The following CMIP variants were observed in gnomAD, a reference collection of about 807,000 sequenced individuals.
CMIP encodes the protein C-Maf-inducing protein.
A neutral mutation model predicts 97.3 loss-of-function variants in CMIP; 13 were observed. The observed-to-expected ratio is 0.13, with a 90% CI of 0.09 to 0.21. The LOEUF is 0.21. Ranked by LOEUF, CMIP falls within the 10% of genes least tolerant of loss-of-function variation. The probability of loss-of-function intolerance (pLI) is 1.00; values close to 1 mark genes in which losing one functional copy is unlikely to be tolerated. For missense variants in CMIP, 847 were observed against 1,024.9 expected (o/e 0.83, Z 2.37); for synonymous variants, 538 against 436.3 (o/e 1.23, Z -2.91).
chr16:81,468,943 T>G (rs1027154033), intron 1 of CMIP, among the ~76,000 whole-genome samples: 1 of 152,220 alleles, frequency 6.6e-6, no homozygotes, highest in African/African-American at 2.4e-5. Context: ...CATGCTGGCC[T>G]TGGGACTTTG....
Position 81,672,023 on chromosome 16 carries a change from C to A in CMIP, c.987C>A (p.Ala329=). ...CCCGGGTCCTGCCCAACCTGGTGGCCGTGTGCCTGGCTGCCATCTACTCCT... is the reference window on the plus strand; with the variant it reads ...CCCGGGTCCTGCCCAACCTGGTGGCAGTGTGCCTGGCTGCCATCTACTCCT... ...PHPRVLPNLV[A]VCLAAIYSCY... is the part of the protein sequence containing the mutation. Residue 329 remains alanine, a synonymous_variant, in exon 9 of 21, where the codon GCC becomes GCA. Coordinates refer to ENST00000537098, the MANE Select transcript of CMIP (RefSeq NM_198390.3). 3.1e-6 allele frequency: 5 copies of A among 1,606,388 alleles called. No homozygotes were observed. Among genetic ancestry groups the A allele is most frequent in the Non-Finnish European group, 4.3e-6 (5 of 1,176,190 alleles).
intron 13 of CMIP, chr16:81,696,071 T>A: frequency 6.3e-6 from 1 of 159,082 alleles, no homozygotes; most frequent in Non-Finnish European, 1.3e-5. Flanking sequence ...CAGGGAGAGG[T>A]TTCTAGAGAA....
chr16:81,649,278 G>T (rs1166579947), intron 3 of CMIP, among the ~76,000 whole-genome samples: 1 of 152,260 alleles, frequency 6.6e-6, no homozygotes, highest in Non-Finnish European at 1.5e-5. Flanking sequence ...AAGGGCTTGG[G>T]CCCTCCCGGG....
chr16:81,649,130 T>A (rs1307535707), intron 3 of CMIP, among the ~76,000 whole-genome samples: 1 of 152,188 alleles, frequency 6.6e-6, no homozygotes, highest in Non-Finnish European at 1.5e-5. Flanking sequence ...GAGGATTGAG[T>A]GGGATAAAGC....
chr16:81,497,800 G>A (rs146849964), intron 1 of CMIP, among the ~76,000 whole-genome samples: 488 of 152,334 alleles, frequency 3.2e-3, no homozygotes, highest in African/African-American at 0.01. Flanking sequence ...CAGGTGCCCC[G>A]CCGCCTCCTC....
intron 1 of CMIP, among the ~76,000 whole-genome samples, chr16:81,503,365 G>A (rs1291150468): frequency 3.3e-5 from 5 of 152,080 alleles, no homozygotes; most frequent in Non-Finnish European, 7.4e-5. Flanking sequence ...TCACTGGGTC[G>A]CCTGCCTAGT....
At chr16:81,645,646 G>C in intron 3 of CMIP, 1 of 1,530,918 alleles carries the variant, frequency 6.5e-7, no homozygotes, top group East Asian at 2.4e-5. Context: ...CAGCGCTGGA[G>C]TGGCTGACTC....
chr16:81,656,410 A>C (rs1022516354), intron 4 of CMIP, among the ~76,000 whole-genome samples: 3 of 152,266 alleles, frequency 2.0e-5, no homozygotes, highest in Non-Finnish European at 4.4e-5. Context: ...CTTTACAAGC[A>C]GCCAATGTGG....
chr16:81,449,274 GT>G (rs1456418820), intron 1 of CMIP, among the ~76,000 whole-genome samples: 1 of 152,216 alleles, frequency 6.6e-6, no homozygotes, highest in Non-Finnish European at 1.5e-5. Flanking sequence ...TAATTCATCA[GT>G]GGCTTGTTTT....
chr16:81,492,231 A>G (rs2089417311), intron 1 of CMIP, among the ~76,000 whole-genome samples: 1 of 152,190 alleles, frequency 6.6e-6, no homozygotes, highest in Non-Finnish European at 1.5e-5. Flanking sequence ...TGCCATCCAC[A>G]GGGTGCAAGC....
chr16:81,533,890 C>G (rs921145410), intron 1 of CMIP: 2 of 152,288 alleles, frequency 1.3e-5, no homozygotes, highest in African/African-American at 2.4e-5. Context: ...GGCAGTGAAC[C>G]TCTCCTGCCC....
At chr16:81,513,815 C>T (rs1466025269) in intron 1 of CMIP, among the ~76,000 whole-genome samples, 3 of 152,244 alleles carry the variant, frequency 2.0e-5, no homozygotes, top group Non-Finnish European at 4.4e-5. Context: ...TTCCAGCTCT[C>T]GGATCCTCTG....
intron 20 of CMIP, among the ~76,000 whole-genome samples, chr16:81,709,023 T>C (rs548798009): frequency 6.6e-6 from 1 of 152,104 alleles, no homozygotes; most frequent in African/African-American, 2.4e-5. Flanking sequence ...CTCTGTATAG[T>C]GGAGGCTTGT....
chr16:81,641,963 A>G (rs1222067829), intron 3 of CMIP, among the ~76,000 whole-genome samples: 1 of 152,096 alleles, frequency 6.6e-6, no homozygotes, highest in African/African-American at 2.4e-5. Flanking sequence ...GACTTACCTC[A>G]CTCAGCCTCG....
chr16:81,675,049 T>G (rs980049270), intron 9 of CMIP, among the ~76,000 whole-genome samples: 2 of 152,132 alleles, frequency 1.3e-5, no homozygotes, highest in Admixed American at 1.3e-4. Context: ...CTGGCATCTG[T>G]TTTTGGAAGG....
intron 1 of CMIP, among the ~76,000 whole-genome samples, chr16:81,565,135 A>G (rs1190935490): frequency 1.3e-5 from 2 of 152,150 alleles, no homozygotes; most frequent in Non-Finnish European, 2.9e-5. Context: ...CATGGTAACC[A>G]TGGCATTACA....
intron 3 of CMIP, among the ~76,000 whole-genome samples, chr16:81,642,036 A>T (rs1160504606): frequency 6.6e-6 from 1 of 152,252 alleles, no homozygotes; most frequent in Non-Finnish European, 1.5e-5. Flanking sequence ...GGATGGGATG[A>T]TTTAAAATGT....
At chr16:81,667,799 A>AGAGAGAGAGAGAGAGAGAGAGAGTGT in intron 7 of CMIP, among the ~76,000 whole-genome samples, 1 of 58,094 alleles carries the variant, frequency 1.7e-5, no homozygotes, top group Non-Finnish European at 3.2e-5. Flanking sequence ...AGAGAGAGAG[A>AGAGAGAGAGAGAGAGAGAGAGAGTGT]GTGTGTGTGT....
chr16:81,657,516 C>T (rs1393780950), intron 4 of CMIP, among the ~76,000 whole-genome samples: 1 of 152,154 alleles, frequency 6.6e-6, no homozygotes. Context: ...CTAGACTCGA[C>T]TCACTCAAGG....
Sources: gnomAD v4.1 joint callset for allele counts (sites outside exome capture counted in the v4.1 genomes callset) on GRCh38, gnomAD v4.1.1 for gene constraint, MANE v1.5 for transcripts, NCBI Gene and HGNC (gene_info 2026-07-23, HGNC 2026-07-21) for gene names.